The following TMEM181 variants were observed in gnomAD, a reference collection of about 807,000 sequenced individuals.
The protein encoded by TMEM181 is G protein-coupled receptor 178.
TMEM181 carries 39 observed loss-of-function variants against 71.9 expected under a neutral mutation model. The observed-to-expected ratio is 0.54, with a 90% CI of 0.42 to 0.71. The LOEUF (loss-of-function observed/expected upper bound fraction) is 0.71. Among genes scored for constraint, TMEM181 ranks in the 30% least tolerant of loss-of-function variants. The probability of loss-of-function intolerance (pLI) is 0.00; values close to 1 mark genes in which losing one functional copy is unlikely to be tolerated. For synonymous variants in TMEM181, 245 were observed against 228.8 expected (o/e 1.07, Z -0.64); for missense variants, 595 against 583.0 (o/e 1.02, Z -0.21).
At chr6:158,626,216 A>G (rs1745773887) in intron 13 of TMEM181, among the ~76,000 whole-genome samples, 1 of 152,218 alleles carries the variant, frequency 6.6e-6, no homozygotes, top group Admixed American at 6.5e-5. Flanking sequence ...GAGTGGCGTC[A>G]GCCTGAGGTC....
chr6:158,573,555 T>G lies in TMEM181; in HGVS notation c.112+32T>G, dbSNP rs556769394. ...TTCGGTTTTTACTCATTGAATCTTT[T>G]GCCATGCGCGGTGGCCCTGGCGTAT... On this transcript the variant is annotated intron_variant, in intron 2 of 16. Coordinates refer to ENST00000684151, the MANE Select transcript of TMEM181 (RefSeq NM_001376852.1). The G allele has an allele frequency of 2.3e-5, 36 of 1,554,480 alleles. 1 individual carries two copies. The South Asian group carries it at 4.1e-4, about 18-fold the overall frequency.
chr6:158,568,667 A>G (rs930526088), intron 1 of TMEM181, among the ~76,000 whole-genome samples: 1 of 152,176 alleles, frequency 6.6e-6, no homozygotes, highest in African/African-American at 2.4e-5. Flanking sequence ...TCACTGGTCT[A>G]GGTTGGCATG....
intron 1 of TMEM181, 34 bp downstream of exon 1, chr6:158,560,266 C>T (rs1782079715): frequency 1.0e-6 from 1 of 985,064 alleles, no homozygotes; most frequent in Non-Finnish European, 1.2e-6. Flanking sequence ...GGCTGGCTGG[C>T]TCTCCGGACA....
intron 6 of TMEM181, among the ~76,000 whole-genome samples, chr6:158,602,464 T>G (rs1008453357): frequency 2.0e-5 from 3 of 152,254 alleles, no homozygotes; most frequent in African/African-American, 7.2e-5. Context: ...GCAGAGTGGT[T>G]GTGTTACTTT....
At chr6:158,573,220 G>C (rs755734274) in intron 1 of TMEM181, among the ~76,000 whole-genome samples, 200 bp from the exon 2 acceptor site, 9 of 152,184 alleles carry the variant, frequency 5.9e-5, no homozygotes, top group Admixed American at 6.5e-5. Context: ...GAACGTGCAG[G>C]AACGCGCAGC....
chr6:158,553,306 T>C (rs1781773974), intron 1 of TMEM181, among the ~76,000 whole-genome samples: 1 of 151,114 alleles, frequency 6.6e-6, no homozygotes, highest in African/African-American at 2.4e-5. Context: ...TATAAACACA[T>C]ATACCATTTA....
intron 6 of TMEM181, among the ~76,000 whole-genome samples, chr6:158,603,287 G>A (rs1784769739): frequency 6.6e-6 from 1 of 152,084 alleles, no homozygotes; most frequent in Non-Finnish European, 1.5e-5. Flanking sequence ...GGTTGGTTGG[G>A]GATGATTTGG....
intron 1 of TMEM181, among the ~76,000 whole-genome samples, chr6:158,570,469 C>A (rs1005221912): frequency 3.3e-5 from 5 of 151,970 alleles, no homozygotes; most frequent in Non-Finnish European, 7.4e-5. Context: ...TCTCGATCTC[C>A]TGACCTCGTG....
chr6:158,587,214 C>T (rs1459850133), intron 5 of TMEM181, among the ~76,000 whole-genome samples: 1 of 152,200 alleles, frequency 6.6e-6, no homozygotes, highest in African/African-American at 2.4e-5. Flanking sequence ...AAAGCCTTTG[C>T]TTCAAGCAGG....
intron 1 of TMEM181, among the ~76,000 whole-genome samples, chr6:158,547,647 C>T (rs1478158906): frequency 6.6e-6 from 1 of 152,054 alleles, no homozygotes; most frequent in Non-Finnish European, 1.5e-5. Context: ...CTCATTTCTC[C>T]AGACTTTGTA....
At chr6:158,580,094 G>T (rs1783388827) in intron 2 of TMEM181, among the ~76,000 whole-genome samples, 1 of 152,216 alleles carries the variant, frequency 6.6e-6, no homozygotes, top group Non-Finnish European at 1.5e-5. Context: ...ACTTTGGGAG[G>T]CTGAGGTGGG....
intron 10 of TMEM181, among the ~76,000 whole-genome samples, chr6:158,614,141 A>G (rs563745240): frequency 6.6e-6 from 1 of 152,348 alleles, no homozygotes; most frequent in South Asian, 2.1e-4. Flanking sequence ...ATGTTAAATA[A>G]TCCTGTTTAC....
intron 13 of TMEM181, chr6:158,626,767 T>C (rs893185521): frequency 7.5e-5 from 32 of 427,192 alleles, no homozygotes; most frequent in Admixed American, 5.4e-4. Context: ...CAACCTCACA[T>C]AGAGGCTCAC....
At chr6:158,563,785 C>T (rs1199780583) in intron 1 of TMEM181, among the ~76,000 whole-genome samples, 3 of 152,178 alleles carry the variant, frequency 2.0e-5, no homozygotes, top group Non-Finnish European at 2.9e-5. Flanking sequence ...GTGGTTAGGC[C>T]TTGAATGTTC....
chr6:158,561,492 G>A (rs533311365), intron 1 of TMEM181, among the ~76,000 whole-genome samples: 1 of 152,332 alleles, frequency 6.6e-6, no homozygotes, highest in South Asian at 2.1e-4. Flanking sequence ...CAGAGTGACA[G>A]CTGCGTGTTA....
intron 10 of TMEM181, among the ~76,000 whole-genome samples, chr6:158,623,283 T>C (rs1267697854): frequency 6.6e-6 from 1 of 152,148 alleles, no homozygotes; most frequent in Non-Finnish European, 1.5e-5. Flanking sequence ...AGAGAAATAG[T>C]ATATAGGGTT....
At chr6:158,612,405 C>T (rs1056540285) in intron 10 of TMEM181, among the ~76,000 whole-genome samples, 2 of 152,142 alleles carry the variant, frequency 1.3e-5, no homozygotes, top group African/African-American at 2.4e-5. Context: ...GGATTGACTG[C>T]GGGAGCAATG....
intron 6 of TMEM181, among the ~76,000 whole-genome samples, chr6:158,591,107 A>G (rs1293658454): frequency 6.6e-6 from 1 of 152,198 alleles, no homozygotes; most frequent in African/African-American, 2.4e-5. Flanking sequence ...TCATCAGGTG[A>G]CAGGCGTTTG....
intron 6 of TMEM181, among the ~76,000 whole-genome samples, chr6:158,598,040 G>A (rs1409136417): frequency 6.6e-6 from 1 of 152,148 alleles, no homozygotes; most frequent in Non-Finnish European, 1.5e-5. Flanking sequence ...CCACGTTCAG[G>A]CCATGAGACC....
Sources: gnomAD v4.1 joint callset for allele counts (sites outside exome capture counted in the v4.1 genomes callset) on GRCh38, gnomAD v4.1.1 for gene constraint, MANE v1.5 for transcripts, NCBI Gene and HGNC (gene_info 2026-07-23, HGNC 2026-07-21) for gene names.